The following SEMA5B variants were observed in gnomAD, a reference collection of about 807,000 sequenced individuals.
The protein encoded by SEMA5B is semaphorin 5B, also known as semaphorin-5B.
A neutral mutation model predicts 135.0 loss-of-function variants in SEMA5B; 66 were observed. The observed-to-expected ratio is 0.49, with a 90% CI of 0.40 to 0.60. The LOEUF is 0.60. SEMA5B is among the 20% of genes least tolerant of loss of function. The pLI is 0.00. For missense variants in SEMA5B, 1,501 were observed against 1,566.3 expected (o/e 0.96, Z 0.70); for synonymous variants, 690 against 639.5 (o/e 1.08, Z -1.19).
intron 12 of SEMA5B, among the ~76,000 whole-genome samples, chr3:122,921,178 G>T (rs527578702): frequency 6.6e-6 from 1 of 152,208 alleles, no homozygotes. Context: ...ACAGAAGCTC[G>T]CATGGCTGTG....
intron 1 of SEMA5B, among the ~76,000 whole-genome samples, chr3:122,983,470 TA>T (rs562892419): frequency 2.0e-5 from 3 of 150,200 alleles, no homozygotes; most frequent in Admixed American, 6.6e-5. Context: ...GGCGGGGTGG[TA>T]AAAAAAACCT....
chr3:123,000,744 G>C (rs567034971), intron 1 of SEMA5B, among the ~76,000 whole-genome samples: 2 of 152,214 alleles, frequency 1.3e-5, no homozygotes, highest in African/African-American at 4.8e-5. Flanking sequence ...CTTAACAGGG[G>C]AGCCATGGCA....
intron 4 of SEMA5B, among the ~76,000 whole-genome samples, chr3:122,940,034 A>T (rs1305646669): frequency 6.6e-6 from 1 of 151,912 alleles, no homozygotes; most frequent in Admixed American, 6.6e-5. Flanking sequence ...TCCAGGTCTG[A>T]CCTTTCTGTG....
At chr3:122,937,461 C>G (rs1444014117) in intron 5 of SEMA5B, among the ~76,000 whole-genome samples, 2 of 152,230 alleles carry the variant, frequency 1.3e-5, no homozygotes, top group African/African-American at 4.8e-5. Context: ...AGATGGTACA[C>G]ACCAGAGTGG....
chr3:122,911,254 G>A (rs1229169576), intron 21 of SEMA5B: 4 of 1,230,926 alleles, frequency 3.2e-6, no homozygotes, highest in Non-Finnish European at 4.4e-6. Context: ...GTCAGAGGTG[G>A]CAACCAGAGG....
At chr3:122,926,814 G>A (rs1455237567) in intron 8 of SEMA5B, 137 bp from the exon 9 acceptor site, 1 of 938,214 alleles carries the variant, frequency 1.1e-6, no homozygotes, top group East Asian at 2.6e-5. Flanking sequence ...GGTGACCTGG[G>A]GGCCCTAACT....
At chr3:122,956,163 C>T (rs555970053) in intron 2 of SEMA5B, among the ~76,000 whole-genome samples, 13 of 152,240 alleles carry the variant, frequency 8.5e-5, no homozygotes, top group Non-Finnish European at 1.5e-4. Context: ...CACCAGCCAA[C>T]TCCTGCTATT....
At chr3:122,941,864 A>T (rs1374599371) in intron 4 of SEMA5B, among the ~76,000 whole-genome samples, 5 of 152,212 alleles carry the variant, frequency 3.3e-5, no homozygotes, top group Admixed American at 2.0e-4. Context: ...GGTATATGGG[A>T]TCTCTATTAT....
intron 2 of SEMA5B, among the ~76,000 whole-genome samples, chr3:122,956,481 G>T (rs988462165): frequency 6.6e-6 from 1 of 152,188 alleles, no homozygotes; most frequent in African/African-American, 2.4e-5. Context: ...GTGAAGGAGC[G>T]CAGAGAAGTG....
rs1940562267 is a variant in SEMA5B at position 122,961,214 on chromosome 3, C to T, written c.50G>A (p.Gly17Glu). 5 of 1,613,818 alleles carry T rather than the reference C, an allele frequency of 3.1e-6. No individual in the cohort carries two copies. Among genetic ancestry groups the T allele is most frequent in the Admixed American group, 1.7e-5 (1 of 59,988 alleles). Residue 17 changes from glycine (G) to glutamate (E), a missense_variant, in exon 2 of 23, where the codon GGG becomes GAG. Gly to Glu is a moderately conservative substitution (Grantham distance 98, BLOSUM62 -2). Transcript: ENST00000357599. ...CTGTTGGGCTGGGGTATCAGGCGGC[C>T]CAGGGACGAGGTGGTGGGCAACAGG... Reference protein sequence around the residue: ...PSPVAHHLVPGPPDTPAQQLR... With the variant: ...PSPVAHHLVPEPPDTPAQQLR...
chr3:122,998,651 A>C (rs1003487081), intron 1 of SEMA5B, among the ~76,000 whole-genome samples: 3 of 152,136 alleles, frequency 2.0e-5, no homozygotes, highest in Non-Finnish European at 2.9e-5. Flanking sequence ...TCAGCTAGCT[A>C]CCCAGCTTCT....
At chr3:123,003,540 A>G (rs74547731) in intron 1 of SEMA5B, among the ~76,000 whole-genome samples, 3,070 of 152,276 alleles carry the variant, frequency 0.02, 102 homozygotes, top group African/African-American at 0.069. Flanking sequence ...TCCCAAAGAA[A>G]GTTCTTGAAG....
At chr3:122,944,782 C>T (rs1040049483) in intron 3 of SEMA5B, among the ~76,000 whole-genome samples, 11 of 152,220 alleles carry the variant, frequency 7.2e-5, no homozygotes, top group Non-Finnish European at 1.5e-4. Context: ...CACACTTCTC[C>T]CTTCTTGATT....
In SEMA5B at chr3:122,910,051, A is replaced by T; in HGVS notation, c.*92T>A. ...AGGCAGCAAGTTCTTGGCCTAGTGC[A>T]GAGGGAGAAAACCAAACTGGCTCCA... On this transcript the variant is annotated 3_prime_UTR_variant, in exon 23 of 23. Coordinates refer to ENST00000357599, the MANE Select transcript of SEMA5B (RefSeq NM_001031702.4). 1.4e-6 allele frequency: 2 copies of T among 1,381,166 alleles called. No homozygotes were observed. The highest frequency in any genetic ancestry group is 2.0e-6 in the Non-Finnish European group (2 of 1,009,380). 85.6% of individuals were successfully genotyped at this position (1,381,166 alleles called of 1,614,324 possible). A position where few individuals can be genotyped will look rare whatever the true frequency, so the allele number is the denominator to read the frequency against.
chr3:122,944,858 G>T (rs1939714090), intron 3 of SEMA5B, among the ~76,000 whole-genome samples: 2 of 152,204 alleles, frequency 1.3e-5, no homozygotes, highest in South Asian at 4.1e-4. Flanking sequence ...ATTGGCAGCA[G>T]TAAGGAGAGA....
intron 5 of SEMA5B, among the ~76,000 whole-genome samples, chr3:122,929,511 GA>G (rs1449452327): frequency 6.6e-6 from 1 of 152,192 alleles, no homozygotes; most frequent in Admixed American, 6.5e-5. Context: ...GAATGTAAGA[GA>G]TTTAATTTTC....
Position 122,909,915 on chromosome 3 carries a change from G to C in SEMA5B, c.*228C>G, listed in dbSNP as rs1250286503. 1 of 531,166 alleles carries C rather than the reference G, an allele frequency of 1.9e-6. No homozygotes were observed. The highest frequency in any genetic ancestry group is 1.9e-5 in the African/African-American group (1 of 52,464). The allele number at this position is 531,166 out of a possible 1,614,324, so 32.9% of individuals were successfully genotyped here. On this transcript the variant is annotated 3_prime_UTR_variant, in exon 23 of 23. Coordinates refer to ENST00000357599, the MANE Select transcript of SEMA5B (RefSeq NM_001031702.4). ...AGTGGGTTGGAAGATAACCATGAGA[G>C]ACCTGGGCTGAACTGGACCTGCGGC...
rs1020295983 is a variant in SEMA5B at position 122,913,261 on chromosome 3, C to A, written c.2444G>T (p.Gly815Val). The part of the protein sequence containing the change: ...PLADPHGLQF[G>V]RRRTETRTCP... ...GGTCCTCGTCTCGGTCCTTCTCCTG[C>A]CGAACTGCAGGCCGTGCGGGTCTGC... Residue 815 changes from glycine (G) to valine (V), a missense_variant, in exon 17 of 23, where the codon GGC becomes GTC. Gly to Val is a moderately radical substitution (Grantham distance 109). Coordinates refer to ENST00000357599, the MANE Select transcript of SEMA5B (RefSeq NM_001031702.4). The A allele has an allele frequency of 1.9e-6, 3 of 1,585,590 alleles. No individual in the cohort carries two copies. The highest frequency in any genetic ancestry group is 2.6e-6 in the Non-Finnish European group (3 of 1,174,392).
intron 1 of SEMA5B, among the ~76,000 whole-genome samples, chr3:123,010,387 T>C (rs1431779475): frequency 6.6e-6 from 1 of 152,136 alleles, no homozygotes; most frequent in Admixed American, 6.5e-5. Context: ...ATTGTAAGAA[T>C]TAAGTGAGAT....
Sources: allele counts gnomAD v4.1 joint callset (sites outside exome capture counted in the v4.1 genomes callset), GRCh38; gene constraint gnomAD v4.1.1; transcripts MANE v1.5; gene names NCBI Gene and HGNC (gene_info 2026-07-23, HGNC 2026-07-21).